Variants in ARIH1 observed in about 807,000 individuals in gnomAD.
The protein encoded by ARIH1 is ariadne RBR E3 ubiquitin protein ligase 1, also known as E3 ubiquitin-protein ligase ARIH1.
Under a neutral mutation model 85.0 loss-of-function variants are expected in ARIH1, and 8 were observed. That is an observed-to-expected ratio of 0.09 (90% CI 0.06 to 0.17). ARIH1 has a LOEUF of 0.17. Among genes scored for constraint, ARIH1 ranks in the 10% least tolerant of loss-of-function variants. The pLI is 1.00. For synonymous variants in ARIH1, 238 were observed against 253.6 expected (o/e 0.94, Z 0.59); for missense variants, 311 against 718.1 (o/e 0.43, Z 6.48).
chr15:72,602,196 A>G lies in ARIH1; in HGVS notation c.*18904A>G, dbSNP rs1198140781. On this transcript the variant is annotated 3_prime_UTR_variant, in exon 14 of 14. Coordinates refer to ENST00000379887, the MANE Select transcript of ARIH1 (RefSeq NM_005744.5). Reference sequence around the variant, plus strand: ...CCTATAGAATAAATTACTAGAATTGAAATAATTCAGTTAAAGATTATGTGC... The same window carrying G: ...CCTATAGAATAAATTACTAGAATTGGAATAATTCAGTTAAAGATTATGTGC... The G allele has an allele frequency of 6.6e-6, 1 of 152,248 alleles. No homozygotes were observed. The highest frequency in any genetic ancestry group is 1.5e-5 in the Non-Finnish European group (1 of 68,044). The allele number at this position is 152,248 out of a possible 1,614,324, so 9.4% of individuals were successfully genotyped here.
intron 1 of ARIH1, among the ~76,000 whole-genome samples, chr15:72,489,112 T>G (rs1286016092): frequency 1.3e-5 from 2 of 152,036 alleles, no homozygotes; most frequent in Non-Finnish European, 2.9e-5. Flanking sequence ...CTTGGTGGCA[T>G]GTGCCTGTAG....
At chr15:72,512,725 G>A (rs1359560246) in intron 1 of ARIH1, among the ~76,000 whole-genome samples, 3 of 151,408 alleles carry the variant, frequency 2.0e-5, no homozygotes, top group African/African-American at 7.3e-5. Context: ...TTTTTGTCTA[G>A]TTCAAGATAT....
In ARIH1 at chr15:72,567,254, G is replaced by GGT. The variant is rs1022396597; in HGVS notation, c.1026+79_1026+80dup. 3 of 1,119,438 alleles carry GGT rather than the reference G, an allele frequency of 2.7e-6. No homozygotes were observed. In the Admixed American group the frequency reaches 6.5e-5, roughly 24 times the overall value. The allele number at this position is 1,119,438 out of a possible 1,614,324, so 69.3% of individuals were successfully genotyped here. A position where few individuals can be genotyped will look rare whatever the true frequency, so the allele number is the denominator to read the frequency against. ...ACTTTGGCATTAGCAAAAGCAATGAGGTGACCTACTTACAGGCTTTGTTTC... is the reference window on the plus strand; with the variant it reads ...ACTTTGGCATTAGCAAAAGCAATGAGGTGTGACCTACTTACAGGCTTTGTTTC... On this transcript the variant is annotated intron_variant, in intron 9 of 13. Transcript: ENST00000379887.
chr15:72,564,333 A>G (rs1303169525), intron 7 of ARIH1, among the ~76,000 whole-genome samples: 2 of 152,184 alleles, frequency 1.3e-5, no homozygotes, highest in Non-Finnish European at 2.9e-5. Flanking sequence ...TTCTAACAGC[A>G]TGTTCCTCAT....
intron 1 of ARIH1, among the ~76,000 whole-genome samples, chr15:72,511,337 T>C (rs2063949815): frequency 6.6e-6 from 1 of 152,164 alleles, no homozygotes; most frequent in Admixed American, 6.5e-5. Context: ...AGTTTTGCTC[T>C]TGTTGTCCAG....
intron 11 of ARIH1, among the ~76,000 whole-genome samples, chr15:72,577,254 G>A (rs1046590552): frequency 1.3e-5 from 2 of 151,808 alleles, no homozygotes; most frequent in Non-Finnish European, 2.9e-5. Flanking sequence ...CATAATGCTG[G>A]GATTACAGGC....
rs942821295 is a variant in ARIH1 at position 72,474,488 on chromosome 15, A to G, written c.-152A>G. 8.2e-5 allele frequency: 88 copies of G among 1,072,178 alleles called. No homozygotes were observed. The African/African-American group carries it at 1.2e-3, about 15-fold the overall frequency. The allele number at this position is 1,072,178 out of a possible 1,614,324, so 66.4% of individuals were successfully genotyped here. Reference sequence around the variant, plus strand: ...CGCCGCCACCAGCCGTCAAACGCCAACCGCCGCTCCTGGGGAGGAGCCGCG... The same window carrying G: ...CGCCGCCACCAGCCGTCAAACGCCAGCCGCCGCTCCTGGGGAGGAGCCGCG... On this transcript the variant is annotated 5_prime_UTR_variant, in exon 1 of 14. Coordinates refer to ENST00000379887, the MANE Select transcript of ARIH1 (RefSeq NM_005744.5).
chr15:72,528,765 G>A (rs2064041546), intron 2 of ARIH1, among the ~76,000 whole-genome samples: 1 of 152,150 alleles, frequency 6.6e-6, no homozygotes, highest in Non-Finnish European at 1.5e-5. Flanking sequence ...TGAGGCAGGA[G>A]GATTGCTGGA....
intron 2 of ARIH1, among the ~76,000 whole-genome samples, chr15:72,520,999 A>G (rs774860952): frequency 4.1e-4 from 62 of 151,920 alleles, no homozygotes; most frequent in Admixed American, 7.9e-4. Context: ...ACGCATCACC[A>G]TACCTAGTTA....
Position 72,586,342 on chromosome 15 carries a change from C to G in ARIH1, c.*3050C>G, listed in dbSNP as rs371105268. On this transcript the variant is annotated 3_prime_UTR_variant, in exon 14 of 14. Coordinates refer to ENST00000379887, the MANE Select transcript of ARIH1 (RefSeq NM_005744.5). ...AACAAATTATTTTAGCTACAAACCC[C>G]GGTAATAGAGCACTTGGGGGATGGG... is the stretch of plus-strand genomic sequence containing the variant. 1 of 151,968 alleles carries G rather than the reference C, an allele frequency of 6.6e-6. No homozygotes were observed. Among genetic ancestry groups the G allele is most frequent in the African/African-American group, 2.4e-5 (1 of 41,360 alleles). 9.4% of individuals were successfully genotyped at this position (151,968 alleles called of 1,614,324 possible).
Position 72,478,525 on chromosome 15 carries a change from A to G in ARIH1, c.375+3511A>G, listed in dbSNP as rs144316123. Among the ~76,000 whole-genome samples the G allele has an allele frequency of 3.9e-3, 596 of 152,302 alleles. 1 individual carries two copies. Among genetic ancestry groups the G allele is most frequent in the African/African-American group, 0.013 (536 of 41,554 alleles). On this transcript the variant is annotated intron_variant, in intron 1 of 13. Transcript: ENST00000379887. ...TTTAAACTTGCCATTTTGTTTTTCC[A>G]CAACAGTGTTCAGCAAATGTTGATT...
chr15:72,570,550 G>C (rs899990779), intron 10 of ARIH1, among the ~76,000 whole-genome samples: 3 of 152,150 alleles, frequency 2.0e-5, no homozygotes, highest in African/African-American at 7.2e-5. Flanking sequence ...AAAGTAGTAG[G>C]AAAAACATTT....
chr15:72,555,203 TGA>T (rs1293946695), intron 3 of ARIH1, 66 bp from the exon 4 acceptor site: 9 of 1,146,284 alleles, frequency 7.9e-6, no homozygotes, highest in Non-Finnish European at 1.2e-5. Flanking sequence ...AGAGCCCTGT[TGA>T]GTCACTGTTT....
chr15:72,494,622 T>TTA (rs1467528641), intron 1 of ARIH1, among the ~76,000 whole-genome samples: 1 of 152,096 alleles, frequency 6.6e-6, no homozygotes, highest in Admixed American at 6.6e-5. Flanking sequence ...TGAAACAACT[T>TTA]TAAACTTTTA....
intron 11 of ARIH1, among the ~76,000 whole-genome samples, chr15:72,575,551 CAAAAAAA>C (rs59727915): frequency 1.7e-5 from 1 of 60,558 alleles, no homozygotes; most frequent in African/African-American, 6.4e-5. Context: ...ACCCTGTCTC[CAAAAAAA>C]AAAAAAAAAA....
intron 5 of ARIH1, among the ~76,000 whole-genome samples, chr15:72,556,640 G>A (rs756175198): frequency 6.6e-5 from 10 of 152,290 alleles, no homozygotes; most frequent in African/African-American, 1.9e-4. Context: ...CCTTGTCCGT[G>A]AGGTTTGGTG....
intron 1 of ARIH1, among the ~76,000 whole-genome samples, chr15:72,482,262 G>A (rs990430826): frequency 2.6e-5 from 4 of 152,076 alleles, no homozygotes; most frequent in African/African-American, 9.7e-5. Flanking sequence ...TAGTATGCTG[G>A]AAGAGATATA....
At chr15:72,541,222 G>A (rs1206948386) in intron 2 of ARIH1, among the ~76,000 whole-genome samples, 2 of 152,166 alleles carry the variant, frequency 1.3e-5, no homozygotes, top group South Asian at 2.1e-4. Flanking sequence ...TTGAGATAAT[G>A]GGAGTGCTAG....
At chr15:72,507,787 G>A (rs2063932884) in intron 1 of ARIH1, among the ~76,000 whole-genome samples, 1 of 152,198 alleles carries the variant, frequency 6.6e-6, no homozygotes, top group Non-Finnish European at 1.5e-5. Flanking sequence ...CTTCAGCTAG[G>A]ACAGTTGACA....
Sources: gnomAD v4.1 joint callset for allele counts (sites outside exome capture counted in the v4.1 genomes callset) on GRCh38, gnomAD v4.1.1 for gene constraint, MANE v1.5 for transcripts, NCBI Gene and HGNC (gene_info 2026-07-23, HGNC 2026-07-21) for gene names.